Variants in MYO15B observed in about 807,000 individuals in gnomAD.
MYO15B encodes myosin XVB, also known as myosin XVB pseudogene.
MYO15B carries 207 observed loss-of-function variants against 119.3 expected under a neutral mutation model. The observed-to-expected ratio is 1.73, with a 90% CI of 1.55 to 1.95. The LOEUF is 1.95. MYO15B is among the 30% of genes most tolerant of loss of function. MYO15B has a pLI of 0.00. For missense variants in MYO15B, 2,264 were observed against 1,203.1 expected (o/e 1.88, Z -13.04); for synonymous variants, 966 against 498.9 (o/e 1.94, Z -12.48).
chr17:75,587,841 G>T (rs2056167188), exon 1 of MYO15B, among the ~76,000 whole-genome samples: 1 of 152,260 alleles, frequency 6.6e-6, no homozygotes, highest in South Asian at 2.1e-4. Context: ...CTGTTTCCTG[G>T]GCGCCTCTAT....
chr17:75,626,108 C>T lies in MYO15B; in HGVS notation c.9093C>T (p.Ala3031=), dbSNP rs200700714. 1.1e-3 allele frequency: 795 copies of T among 703,092 alleles called. 1 individual carries two copies. Among genetic ancestry groups the T allele is most frequent in the Non-Finnish European group, 1.8e-3 (683 of 385,024 alleles). The allele number at this position is 703,092 out of a possible 1,614,324, so 43.6% of individuals were successfully genotyped here. Residue 3031 remains alanine (A), a synonymous_variant, in exon 63 of 64, where the codon GCC becomes GCT. Coordinates refer to ENST00000645453, the Ensembl canonical transcript of MYO15B. ...CCCAGAGCCTGTACTGCCGCATTGC[C>T]CTGAAGAGCCTGCAGCGGCTCCACC...
At chr17:75,608,601 A>G (rs2147934543) in intron 21 of MYO15B, among the ~76,000 whole-genome samples, 1 of 150,934 alleles carries the variant, frequency 6.6e-6, no homozygotes, top group East Asian at 2.0e-4. Flanking sequence ...AGATCGCGCC[A>G]TTGCACTCCA....
chr17:75,597,301 T>C (rs900283020), intron 14 of MYO15B, among the ~76,000 whole-genome samples: 2 of 152,204 alleles, frequency 1.3e-5, no homozygotes, highest in African/African-American at 4.8e-5. Context: ...CAGGGTACCA[T>C]GTCCCCCATT....
At chr17:75,622,045 A>G in exon 53 of MYO15B, 1 of 703,016 alleles carries the variant, frequency 1.4e-6, no homozygotes, top group Non-Finnish European at 2.6e-6. Flanking sequence ...GCCCCGGGGC[A>G]AGGATGAGAT....
chr17:75,596,460 G>A (rs1274251279), exon 13 of MYO15B: 3 of 702,984 alleles, frequency 4.3e-6, no homozygotes, highest in Non-Finnish European at 7.8e-6. Flanking sequence ...ATGCCCCCAG[G>A]CCCTGCGGGT....
chr17:75,596,713 A>C (rs1359036978), intron 13 of MYO15B, 55 bp from the exon 14 acceptor site: 1 of 679,386 alleles, frequency 1.5e-6, no homozygotes. Flanking sequence ...CTATTCTATA[A>C]GATGGGAGGG....
exon 57 of MYO15B, chr17:75,624,423 T>C (rs2058900025): frequency 1.4e-6 from 1 of 702,620 alleles, no homozygotes. Context: ...GTGTGGATTA[T>C]AGGACGAATA....
At chr17:75,603,942 T>C (rs2057451877) in intron 19 of MYO15B, among the ~76,000 whole-genome samples, 1 of 152,194 alleles carries the variant, frequency 6.6e-6, no homozygotes, top group Non-Finnish European at 1.5e-5. Flanking sequence ...TCACTTCTCG[T>C]TGATGTCCAG....
exon 59 of MYO15B, chr17:75,624,776 C>G: frequency 2.8e-6 from 2 of 702,930 alleles, no homozygotes; most frequent in Non-Finnish European, 5.2e-6. Flanking sequence ...TGCAGGCCAG[C>G]TGGTGCGGCC....
intron 9 of MYO15B, among the ~76,000 whole-genome samples, chr17:75,593,315 G>A (rs548621108): frequency 6.6e-6 from 1 of 151,796 alleles, no homozygotes; most frequent in South Asian, 2.1e-4. Context: ...AGCAGCCTGG[G>A]CAACATGGCA....
At chr17:75,595,218 G>A (rs936688482) in intron 12 of MYO15B, among the ~76,000 whole-genome samples, 5 of 152,320 alleles carry the variant, frequency 3.3e-5, no homozygotes, top group Middle Eastern at 3.4e-3. Flanking sequence ...AGGGCTGTCT[G>A]CGCGCCTTGG....
At chr17:75,590,355 G>A in intron 1 of MYO15B, 112 bp downstream of exon 1, 1 of 398,452 alleles carries the variant, frequency 2.5e-6, no homozygotes, top group Non-Finnish European at 4.4e-6. Flanking sequence ...TTAGAAGGAT[G>A]GGCTTGAACC....
intron 7 of MYO15B, 31 bp downstream of exon 7, chr17:75,592,332 C>T: frequency 1.4e-6 from 1 of 702,490 alleles, no homozygotes; most frequent in Non-Finnish European, 2.6e-6. Context: ...CACCCCTGCC[C>T]AGTTCCCAGA....
At chr17:75,603,973 C>T (rs1395691309) in intron 19 of MYO15B, among the ~76,000 whole-genome samples, 1 of 152,130 alleles carries the variant, frequency 6.6e-6, no homozygotes, top group Non-Finnish European at 1.5e-5. Context: ...CTGGTGGCTG[C>T]CTCAGAAGGG....
intron 14 of MYO15B, 49 bp from the exon 15 acceptor site, chr17:75,601,375 GGGCGCCATCCAGAA>G (rs1330417190): frequency 1.4e-6 from 1 of 690,492 alleles, no homozygotes; most frequent in Non-Finnish European, 2.7e-6. Flanking sequence ...CACCGGGAGA[GGGCGCCATCCAGAA>G]GGACAGCCTG....
rs1019751938 is a variant in MYO15B at position 75,614,191 on chromosome 17, C to T, written c.5220-8C>T. ...GCCTGCCTCACTGACTGGTCCCCTCCCACCCAGAGGCCTGGAGGCGCCTCC... is the reference window on the plus strand; with the variant it reads ...GCCTGCCTCACTGACTGGTCCCCTCTCACCCAGAGGCCTGGAGGCGCCTCC... On this transcript the variant is annotated splice_polypyrimidine_tract_variant and splice_region_variant and intron_variant, in intron 29 of 63. Transcript: ENST00000645453. The T allele has an allele frequency of 5.8e-5, 41 of 702,110 alleles. No homozygotes were observed. In the African/African-American group the frequency reaches 7.2e-4, roughly 12 times the overall value. 43.5% of individuals were successfully genotyped at this position (702,110 alleles called of 1,614,324 possible).
intron 53 of MYO15B, among the ~76,000 whole-genome samples, chr17:75,622,774 G>A (rs560401390): frequency 7.4e-4 from 112 of 152,300 alleles, no homozygotes; most frequent in African/African-American, 2.6e-3. Flanking sequence ...TGTGGGCTAC[G>A]GGAAGGAGGA....
At position 75,592,309 on chromosome 17, in the gene MYO15B, CA is replaced by C; in HGVS notation, c.2715+9del. The stretch of plus-strand genomic sequence containing the variant: ...TCCAGGGTGGTGTTTCAGGTAAAGG[CA>C]GCCCTTCTATCCACCCCTGCCCAGT... On this transcript the variant is annotated intron_variant, in intron 7 of 63. Transcript: ENST00000645453. The C allele has an allele frequency of 1.4e-6, 1 of 702,874 alleles. No individual in the cohort carries two copies. Among genetic ancestry groups the C allele is most frequent in the South Asian group, 1.5e-5 (1 of 67,600 alleles). 43.5% of individuals were successfully genotyped at this position (702,874 alleles called of 1,614,324 possible). A position where few individuals can be genotyped will look rare whatever the true frequency, so the allele number is the denominator to read the frequency against.
At chr17:75,610,661 T>C in intron 22 of MYO15B, 1 of 570,024 alleles carries the variant, frequency 1.8e-6, no homozygotes, top group Non-Finnish European at 3.1e-6. Context: ...CTGGGACCAT[T>C]TCTTCCCTTC....
Sources: gnomAD v4.1 joint callset for allele counts (sites outside exome capture counted in the v4.1 genomes callset) on GRCh38, gnomAD v4.1.1 for gene constraint, MANE v1.5 for transcripts, NCBI Gene and HGNC (gene_info 2026-07-23, HGNC 2026-07-21) for gene names.